Variants in KRIT1 observed in about 807,000 individuals in gnomAD.
KRIT1 encodes the protein krev interaction trapped protein 1.
In KRIT1, 45 loss-of-function variants were observed where a neutral mutation model predicts 95.8. The ratio of observed to expected loss-of-function variants is 0.47; its 90% CI spans 0.37 to 0.60. KRIT1 has a LOEUF of 0.60. Ranked by LOEUF, KRIT1 falls within the 20% of genes least tolerant of loss-of-function variation. The pLI is 0.00. For synonymous variants in KRIT1, 282 were observed against 278.8 expected (o/e 1.01, Z -0.11); for missense variants, 788 against 877.5 (o/e 0.90, Z 1.29).
At chr7:92,211,793 G>C (rs913821059) in intron 17 of KRIT1, among the ~76,000 whole-genome samples, 1 of 151,938 alleles carries the variant, frequency 6.6e-6, no homozygotes, top group African/African-American at 2.4e-5. Context: ...CAACTACTAT[G>C]TATCAATTAA....
chr7:92,243,815 C>T (rs957113588), intron 3 of KRIT1, among the ~76,000 whole-genome samples, 187 bp downstream of exon 3: 18 of 152,006 alleles, frequency 1.2e-4, no homozygotes, highest in African/African-American at 4.3e-4. Context: ...AATTCTAAAA[C>T]TTTCCATTGA....
intron 17 of KRIT1, among the ~76,000 whole-genome samples, chr7:92,212,459 A>C (rs1391994761): frequency 6.6e-6 from 1 of 152,190 alleles, no homozygotes; most frequent in Non-Finnish European, 1.5e-5. Flanking sequence ...TGGGAGGTAG[A>C]GCCTTTGAGA....
In KRIT1 at chr7:92,213,969, G is replaced by A. The variant is rs771921996; in HGVS notation, c.1741C>T (p.Leu581=). The A allele has an allele frequency of 4.4e-6, 7 of 1,602,880 alleles. No homozygotes were observed. Among genetic ancestry groups the A allele is most frequent in the Non-Finnish European group, 5.1e-6 (6 of 1,170,010 alleles). Residue 581 remains leucine, a synonymous_variant, in exon 16 of 19, where the codon CTA becomes TTA. Transcript: ENST00000394505. ...TTGGTAACAGGTACGATGGATTTTA[G>A]ATTTTCTTCACTGTAAGCACACATG... ...HKQGFLNEEN[L]KSIVPVTKLK...
intron 17 of KRIT1, chr7:92,206,295 T>C (rs1313159394): frequency 6.6e-6 from 1 of 152,390 alleles, no homozygotes; most frequent in African/African-American, 2.4e-5. Flanking sequence ...TGCCTATGCC[T>C]GCTGGCGCCC....
chr7:92,234,876 G>T lies in KRIT1; in HGVS notation c.777C>A (p.Asp259Glu). 6.2e-7 allele frequency: 1 copy of T among 1,607,706 alleles called. No individual in the cohort carries two copies. Among genetic ancestry groups the T allele is most frequent in the Admixed American group, 1.7e-5 (1 of 60,012 alleles). Residue 259 changes from aspartate to glutamate, a missense_variant, in exon 9 of 19, where the codon GAC becomes GAA. Asp to Glu is a conservative substitution (Grantham distance 45). Transcript: ENST00000394505. ...INPYFGLGAP[D>E]YSKIQIPKQE... ...GTTTAGGTATTTGGATTTTTGAGTA[G>T]TCTGGAGCTCCTAGACCAAAGTATG... is the stretch of plus-strand genomic sequence containing the variant.
chr7:92,231,569 A>G (rs1455403547), intron 10 of KRIT1, among the ~76,000 whole-genome samples: 1 of 152,212 alleles, frequency 6.6e-6, no homozygotes, highest in Non-Finnish European at 1.5e-5. Flanking sequence ...CAAAAATAGG[A>G]CTAAACCCTA....
chr7:92,238,764 G>C (rs1376731902), intron 5 of KRIT1, among the ~76,000 whole-genome samples: 1 of 152,206 alleles, frequency 6.6e-6, no homozygotes, highest in Admixed American at 6.5e-5. Context: ...GGGAAGCACT[G>C]ACAAGTTAGG....
Position 92,200,116 on chromosome 7 carries a change from A to T in KRIT1, c.*620T>A, listed in dbSNP as rs896807578. The stretch of plus-strand genomic sequence containing the variant: ...CAAAGCTACATTTTAATCTCATCAC[A>T]TTCCACCCCAAATTCCTTACCATTT... On this transcript the variant is annotated 3_prime_UTR_variant, in exon 19 of 19. Coordinates refer to ENST00000394505, the MANE Select transcript of KRIT1 (RefSeq NM_194454.3). 1 of 152,892 alleles carries T rather than the reference A, an allele frequency of 6.5e-6. No individual in the cohort carries two copies. The highest frequency in any genetic ancestry group is 6.5e-5 in the Admixed American group (1 of 15,298). The allele number at this position is 152,892 out of a possible 1,614,324, so 9.5% of individuals were successfully genotyped here.
intron 10 of KRIT1, 150 bp from the exon 11 acceptor site, chr7:92,226,832 TACTG>T: frequency 1.5e-6 from 1 of 689,536 alleles, no homozygotes; most frequent in Non-Finnish European, 2.5e-6. Context: ...ATTATTAAGA[TACTG>T]ACATAATGTT....
Position 92,213,393 on chromosome 7 carries a change from A to G in KRIT1, c.1827T>C (p.Ser609=), listed in dbSNP as rs1698900468. 1 of 1,604,522 alleles carries G rather than the reference A, an allele frequency of 6.2e-7. No individual in the cohort carries two copies. Among genetic ancestry groups the G allele is most frequent in the Non-Finnish European group, 8.5e-7 (1 of 1,171,548 alleles). The change falls in exon 17 of 19, where the codon AGT becomes AGC. Residue 609 remains serine, a synonymous_variant. Coordinates refer to ENST00000394505, the MANE Select transcript of KRIT1 (RefSeq NM_194454.3). ...TTTCTTTACTGACACCTTCACTTGT[A>G]CTGAGATTCTAAAAACAAACAAGGT... The part of the protein sequence containing the change: ...NRILHEYKNL[S]TSEGVSKEMH...
chr7:92,214,436 GA>G (rs1479632913), intron 15 of KRIT1, among the ~76,000 whole-genome samples, 174 bp downstream of exon 15: 5 of 152,036 alleles, frequency 3.3e-5, no homozygotes, highest in Non-Finnish European at 7.4e-5. Context: ...AGTAAAATTG[GA>G]GAGTATAACT....
intron 10 of KRIT1, among the ~76,000 whole-genome samples, chr7:92,233,705 G>A (rs573310394): frequency 5.3e-4 from 80 of 152,092 alleles, no homozygotes; most frequent in African/African-American, 1.4e-3. Flanking sequence ...GCACCTGGCC[G>A]GTACCTCTTA....
intron 14 of KRIT1, 111 bp from the exon 15 acceptor site, chr7:92,214,888 C>G: frequency 2.6e-6 from 2 of 761,882 alleles, no homozygotes; most frequent in South Asian, 1.6e-5. Context: ...TGAGCTGTTA[C>G]TGTTTTGAGC....
At chr7:92,237,634 T>C (rs1798695066) in intron 6 of KRIT1, 33 bp downstream of exon 6, 1 of 1,244,204 alleles carries the variant, frequency 8.0e-7, no homozygotes, top group Middle Eastern at 1.9e-4. Context: ...ATCTAAAGTA[T>C]ATAAAGATTT....
chr7:92,202,061 G>A (rs890443891), intron 17 of KRIT1, among the ~76,000 whole-genome samples: 3 of 152,100 alleles, frequency 2.0e-5, no homozygotes, highest in East Asian at 1.9e-4. Flanking sequence ...TCTTTATTCA[G>A]TATCTTTCTT....
At chr7:92,237,136 T>C (rs1260027325) in intron 6 of KRIT1, among the ~76,000 whole-genome samples, 1 of 152,110 alleles carries the variant, frequency 6.6e-6, no homozygotes, top group Non-Finnish European at 1.5e-5. Context: ...TTGCCCAAGG[T>C]CACAAAATTA....
chr7:92,228,450 T>C (rs911720918), intron 10 of KRIT1, among the ~76,000 whole-genome samples: 1 of 152,278 alleles, frequency 6.6e-6, no homozygotes, highest in Middle Eastern at 3.4e-3. Flanking sequence ...TAGAACTGAT[T>C]TTCCATCTGT....
chr7:92,216,882 G>A (rs552346135), intron 14 of KRIT1, among the ~76,000 whole-genome samples: 7 of 152,092 alleles, frequency 4.6e-5, no homozygotes, highest in Non-Finnish European at 8.8e-5. Flanking sequence ...CATGTTCAAT[G>A]AGTTTTAGTC....
chr7:92,238,383 A>G (rs1259917826), intron 5 of KRIT1, among the ~76,000 whole-genome samples: 1 of 152,146 alleles, frequency 6.6e-6, no homozygotes, highest in Non-Finnish European at 1.5e-5. Context: ...AAGAAACAGA[A>G]CCTCGTTCCT....
Sources: allele counts gnomAD v4.1 joint callset (sites outside exome capture counted in the v4.1 genomes callset), GRCh38; gene constraint gnomAD v4.1.1; transcripts MANE v1.5; gene names NCBI Gene and HGNC (gene_info 2026-07-23, HGNC 2026-07-21).